The following SUGP2 variants were observed in gnomAD, a reference collection of about 807,000 sequenced individuals.
SUGP2 encodes the protein SURP and G-patch domain-containing protein 2.
SUGP2 carries 24 observed loss-of-function variants against 90.5 expected under a neutral mutation model. The observed-to-expected ratio is 0.27, with a 90% CI of 0.19 to 0.37. The LOEUF (loss-of-function observed/expected upper bound fraction) is 0.37, where lower values mean the gene tolerates loss of function less well. Among genes scored for constraint, SUGP2 ranks in the 10% least tolerant of loss-of-function variants. SUGP2 has a pLI of 1.00. For synonymous variants in SUGP2, 473 were observed against 513.4 expected (o/e 0.92, Z 1.06); for missense variants, 1,233 against 1,363.3 (o/e 0.90, Z 1.51).
chr19:19,030,366 C>T (rs1002222886), intron 2 of SUGP2, among the ~76,000 whole-genome samples: 6 of 151,102 alleles, frequency 4.0e-5, no homozygotes, highest in Admixed American at 1.3e-4. Context: ...GGTGCATGCC[C>T]GTAATCCCAG....
At position 19,000,326 on chromosome 19, in the gene SUGP2, C is replaced by T. The variant is rs186471881; in HGVS notation, c.2991+1287G>A. ...CTTTCCCAATTCAGCGGCATCCCCT[C>T]GACCCCACCTTATTCTCCCTCTCTT... On this transcript the variant is annotated intron_variant, in intron 8 of 10. Coordinates refer to ENST00000452918, the MANE Select transcript of SUGP2 (RefSeq NM_001017392.5). 5.3e-5 allele frequency among the ~76,000 whole-genome samples: 8 copies of T among 152,344 alleles called. No individual in the cohort carries two copies. The East Asian group carries it at 1.5e-3, about 29-fold the overall frequency.
At chr19:19,021,970 C>T (rs1470368509) in intron 3 of SUGP2, among the ~76,000 whole-genome samples, 1 of 151,880 alleles carries the variant, frequency 6.6e-6, no homozygotes, top group East Asian at 1.9e-4. Flanking sequence ...CAGCCCATTC[C>T]AGCACTTCTT....
intron 4 of SUGP2, among the ~76,000 whole-genome samples, chr19:19,018,721 A>T (rs1242587020): frequency 6.7e-6 from 1 of 149,030 alleles, no homozygotes; most frequent in Non-Finnish European, 1.5e-5. Context: ...TGTTCTATTT[A>T]CATAAAGAGG....
chr19:19,018,042 GAGACCAA>G (rs1368553193), intron 4 of SUGP2, among the ~76,000 whole-genome samples: 1 of 151,190 alleles, frequency 6.6e-6, no homozygotes, highest in Non-Finnish European at 1.5e-5. Flanking sequence ...TCAGGAGTTC[GAGACCAA>G]CCTGGCCAAC....
chr19:19,019,719 TA>T (rs1388528972), intron 3 of SUGP2, among the ~76,000 whole-genome samples: 7 of 150,352 alleles, frequency 4.7e-5, no homozygotes, highest in Admixed American at 2.7e-4. Context: ...ACAGAGGTTA[TA>T]GGGGGTAGAA....
intron 5 of SUGP2, among the ~76,000 whole-genome samples, chr19:19,009,650 G>A (rs770326844): frequency 1.4e-4 from 21 of 152,222 alleles, no homozygotes; most frequent in Non-Finnish European, 2.4e-4. Flanking sequence ...CTCAGAAGAG[G>A]AGGAGGGAGC....
At chr19:19,013,640 C>G (rs2058385756) in intron 4 of SUGP2, among the ~76,000 whole-genome samples, 1 of 152,158 alleles carries the variant, frequency 6.6e-6, no homozygotes, top group Non-Finnish European at 1.5e-5. Flanking sequence ...TTATTTCACC[C>G]CAAACATCAA....
chr19:19,016,443 C>T (rs1005393880), intron 4 of SUGP2, among the ~76,000 whole-genome samples: 7 of 152,212 alleles, frequency 4.6e-5, no homozygotes, highest in African/African-American at 1.7e-4. Context: ...GGCAGAGGCA[C>T]CAGCCCCCAG....
chr19:19,019,015 A>G (rs931832274), intron 4 of SUGP2, 94 bp downstream of exon 4: 5 of 1,404,094 alleles, frequency 3.6e-6, no homozygotes, highest in East Asian at 2.4e-5. Context: ...TTGCTCAAGT[A>G]TCTCACCCTC....
chr19:19,022,280 G>A (rs2058757250), intron 3 of SUGP2, among the ~76,000 whole-genome samples: 1 of 152,192 alleles, frequency 6.6e-6, no homozygotes, highest in Admixed American at 6.5e-5. Flanking sequence ...CACTGCGCCT[G>A]GCCCATTATA....
At chr19:19,033,280 G>T in intron 1 of SUGP2, 157 bp downstream of exon 1, 1 of 859,822 alleles carries the variant, frequency 1.2e-6, no homozygotes, top group Non-Finnish European at 1.4e-6. Context: ...GGCCGCAGCC[G>T]GCCACCCAGG....
intron 4 of SUGP2, among the ~76,000 whole-genome samples, chr19:19,014,185 G>A (rs2058408264): frequency 1.3e-5 from 2 of 152,256 alleles, no homozygotes; most frequent in South Asian, 4.1e-4. Flanking sequence ...TAGAGATGGG[G>A]TTTCATCATG....
rs1049297834 is a variant in SUGP2 at position 19,002,209 on chromosome 19, G to A, written c.2930-535C>T. Among the ~76,000 whole-genome samples, 7 of 151,936 alleles carry A rather than the reference G, an allele frequency of 4.6e-5. No individual in the cohort carries two copies. The South Asian group carries it at 6.2e-4, about 14-fold the overall frequency. On this transcript the variant is annotated intron_variant, in intron 7 of 10. Transcript: ENST00000452918. ...AGCCTGGCCAGCATGGCGAAACCCCGTCTCTACTAAAAGTACAAAAACTAG... is the reference window on the plus strand; with the variant it reads ...AGCCTGGCCAGCATGGCGAAACCCCATCTCTACTAAAAGTACAAAAACTAG...
At chr19:19,002,770 C>T (rs1182086293) in intron 7 of SUGP2, among the ~76,000 whole-genome samples, 1 of 152,010 alleles carries the variant, frequency 6.6e-6, no homozygotes, top group Non-Finnish European at 1.5e-5. Context: ...GCCTTGGCCT[C>T]CCAGAGTGCT....
chr19:18,994,270 G>C, intron 10 of SUGP2, 96 bp downstream of exon 10: 1 of 1,499,004 alleles, frequency 6.7e-7, no homozygotes, highest in Middle Eastern at 1.8e-4. Flanking sequence ...GCATTTTTGG[G>C]GGAGCAGGGA....
At chr19:19,001,714 CT>C in intron 7 of SUGP2, 40 bp from the exon 8 acceptor site, 1 of 1,601,686 alleles carries the variant, frequency 6.2e-7, no homozygotes, top group Non-Finnish European at 8.6e-7. Flanking sequence ...CATACATGTG[CT>C]TTTCCTAAAT....
chr19:19,024,473 A>C, intron 3 of SUGP2, 146 bp downstream of exon 3: 2 of 822,120 alleles, frequency 2.4e-6, no homozygotes, highest in Non-Finnish European at 3.7e-6. Flanking sequence ...AATGGCAGAC[A>C]TATATTGGCC....
upstream of SUGP2, chr19:19,033,540 C>G: frequency 1.5e-6 from 2 of 1,304,100 alleles, no homozygotes; most frequent in Non-Finnish European, 1.9e-6. Flanking sequence ...CAACGGTCTC[C>G]GCAGCGCCGC....
chr19:19,009,812 AGGGACTG>A, intron 5 of SUGP2, 36 bp downstream of exon 5: 1 of 1,550,182 alleles, frequency 6.5e-7, no homozygotes, highest in South Asian at 1.2e-5. Context: ...ATGGGAGAGT[AGGGACTG>A]GGGCCCAGAG....
Sources: allele counts gnomAD v4.1 joint callset (sites outside exome capture counted in the v4.1 genomes callset), GRCh38; gene constraint gnomAD v4.1.1; transcripts MANE v1.5; gene names NCBI Gene and HGNC (gene_info 2026-07-23, HGNC 2026-07-21).